The following PDZRN4 variants were observed in gnomAD, a reference collection of about 807,000 sequenced individuals.
PDZRN4 encodes the protein PDZ domain containing ring finger 4.
A neutral mutation model predicts 99.0 loss-of-function variants in PDZRN4; 70 were observed. The observed-to-expected ratio is 0.71, with a 90% CI of 0.58 to 0.86. PDZRN4 has a LOEUF of 0.86. Among genes scored for constraint, PDZRN4 ranks in the 40% least tolerant of loss-of-function variants. The pLI is 0.00. For missense variants in PDZRN4, 1,474 were observed against 1,331.2 expected, an observed-to-expected ratio of 1.11 and a Z score of -1.67; for synonymous variants, 551 against 501.6, an observed-to-expected ratio of 1.10 and a Z score of -1.32.
At chr12:41,548,374 A>G (rs983663992) in intron 5 of PDZRN4, among the ~76,000 whole-genome samples, 1 of 152,240 alleles carries the variant, frequency 6.6e-6, no homozygotes, top group Non-Finnish European at 1.5e-5. Context: ...ACAACAAAGC[A>G]TATTTCACTA....
chr12:41,200,163 A>G (rs1950804680), intron 3 of PDZRN4, among the ~76,000 whole-genome samples: 1 of 152,184 alleles, frequency 6.6e-6, no homozygotes, highest in African/African-American at 2.4e-5. Context: ...GGGTAACAGT[A>G]GAATCTGTGG....
chr12:41,530,652 TTATAA>T (rs1440381613), intron 5 of PDZRN4, among the ~76,000 whole-genome samples: 1 of 152,178 alleles, frequency 6.6e-6, no homozygotes, highest in African/African-American at 2.4e-5. Flanking sequence ...ATGCAGATCT[TTATAA>T]TATATTTACT....
intron 3 of PDZRN4, among the ~76,000 whole-genome samples, chr12:41,492,984 A>C (rs1430367854): frequency 6.6e-6 from 1 of 152,208 alleles, no homozygotes; most frequent in Non-Finnish European, 1.5e-5. Context: ...TTACCAGAGG[A>C]AAATAGTTTA....
intron 3 of PDZRN4, among the ~76,000 whole-genome samples, chr12:41,229,962 AG>A (rs1468879735): frequency 6.6e-6 from 1 of 152,062 alleles, no homozygotes; most frequent in Non-Finnish European, 1.5e-5. Flanking sequence ...AGTTTCCACA[AG>A]CGGCTTTTGT....
intron 3 of PDZRN4, among the ~76,000 whole-genome samples, chr12:41,362,631 A>G (rs567173847): frequency 2.6e-5 from 4 of 152,126 alleles, no homozygotes; most frequent in Admixed American, 2.0e-4. Context: ...TCTTTTCCAC[A>G]TGGTGGGCTT....
intron 3 of PDZRN4, among the ~76,000 whole-genome samples, chr12:41,352,185 A>G (rs1407438155): frequency 6.6e-6 from 1 of 152,028 alleles, no homozygotes; most frequent in Non-Finnish European, 1.5e-5. Flanking sequence ...TGAACTCAGT[A>G]TTAACAGATT....
chr12:41,435,048 A>G (rs17129351), intron 3 of PDZRN4, among the ~76,000 whole-genome samples: 9,632 of 152,204 alleles, frequency 0.063, 749 homozygotes, highest in East Asian at 0.18. Flanking sequence ...AGTCCATTAG[A>G]AGCAGAAGGT....
rs541471855 is a variant in PDZRN4, at chr12:41,315,121, A to G, written c.843+120933A>G. Among the ~76,000 whole-genome samples the G allele has an allele frequency of 1.8e-4, 27 of 152,240 alleles. 1 individual carries two copies. In the South Asian group the frequency reaches 5.6e-3, roughly 32 times the overall value. ...TTTCTGAATTCCACTCAGTTATATT[A>G]TCCATATTTTCAGTCTGAAAGCTTA... On this transcript the variant is annotated intron_variant, in intron 3 of 9. Coordinates refer to ENST00000402685, the MANE Select transcript of PDZRN4 (RefSeq NM_001164595.2).
chr12:41,514,409 A>G (rs996614312), intron 5 of PDZRN4, among the ~76,000 whole-genome samples: 6 of 152,116 alleles, frequency 3.9e-5, no homozygotes, highest in Non-Finnish European at 8.8e-5. Flanking sequence ...ATCATGAATC[A>G]GGGAAATTTT....
rs372551398 is a variant in PDZRN4 at position 41,509,872 on chromosome 12, T to G, written c.1162T>G (p.Leu388Val). 3 of 1,603,498 alleles carry G rather than the reference T, an allele frequency of 1.9e-6. No homozygotes were observed. Among genetic ancestry groups the G allele is most frequent in the Non-Finnish European group, 2.6e-6 (3 of 1,173,000 alleles). Residue 388 changes from leucine to valine, a missense_variant, in exon 5 of 10, where the codon TTG (leucine) becomes GTG (valine). By Grantham distance (32) the Leu-to-Val change is conservative (BLOSUM62 1). Transcript: ENST00000402685. ...FYEDNEYISSLPADADRTEDF... is the reference protein window; with the variant it reads ...FYEDNEYISSVPADADRTEDF... Reference sequence around the variant, plus strand: ...TGAGGACAATGAGTATATTTCCAGCTTGCCTGCTGATGCAGACAGAACAGA... The same window carrying G: ...TGAGGACAATGAGTATATTTCCAGCGTGCCTGCTGATGCAGACAGAACAGA...
At chr12:41,404,560 A>G (rs1006210861) in intron 3 of PDZRN4, among the ~76,000 whole-genome samples, 11 of 152,178 alleles carry the variant, frequency 7.2e-5, no homozygotes, top group Admixed American at 6.5e-4. Flanking sequence ...AGGAATCACT[A>G]TTATTAAAAT....
chr12:41,452,358 G>A (rs1952782105), intron 3 of PDZRN4, among the ~76,000 whole-genome samples: 1 of 151,426 alleles, frequency 6.6e-6, no homozygotes, highest in Non-Finnish European at 1.5e-5. Context: ...AGAATGGTGT[G>A]AACCTGGGAG....
chr12:41,349,983 A>T (rs564877518), intron 3 of PDZRN4, among the ~76,000 whole-genome samples: 59 of 151,870 alleles, frequency 3.9e-4, no homozygotes, highest in African/African-American at 1.3e-3. Context: ...CAACACAATT[A>T]AAAAAAATGA....
chr12:41,343,055 A>G (rs1296706864), intron 3 of PDZRN4, among the ~76,000 whole-genome samples: 1 of 151,980 alleles, frequency 6.6e-6, no homozygotes, highest in East Asian at 1.9e-4. Context: ...AAAAAGAATA[A>G]AATACTATCA....
At chr12:41,261,533 A>T (rs111710351) in intron 3 of PDZRN4, among the ~76,000 whole-genome samples, 3,084 of 152,292 alleles carry the variant, frequency 0.02, 78 homozygotes, top group African/African-American at 0.057. Flanking sequence ...TCTATCGCCC[A>T]GGCTGGAGTG....
chr12:41,536,267 G>A (rs879605645), intron 5 of PDZRN4, among the ~76,000 whole-genome samples: 13 of 152,250 alleles, frequency 8.5e-5, no homozygotes, highest in Admixed American at 2.6e-4. Flanking sequence ...AAAGAAATAA[G>A]CTGTCAAGCC....
At chr12:41,563,747 C>A in intron 8 of PDZRN4, 98 bp downstream of exon 8, 1 of 813,408 alleles carries the variant, frequency 1.2e-6, no homozygotes, top group Non-Finnish European at 2.0e-6. Flanking sequence ...ATCTGCTATT[C>A]TCTATCAAAT....
intron 3 of PDZRN4, among the ~76,000 whole-genome samples, chr12:41,413,469 T>G (rs1358045399): frequency 6.6e-6 from 1 of 152,126 alleles, no homozygotes; most frequent in African/African-American, 2.4e-5. Flanking sequence ...GTAAGATGAC[T>G]ATAGTTAATA....
At chr12:41,426,636 T>C (rs1435922366) in intron 3 of PDZRN4, among the ~76,000 whole-genome samples, 2 of 152,178 alleles carry the variant, frequency 1.3e-5, no homozygotes, top group African/African-American at 4.8e-5. Context: ...AAAATGCACA[T>C]CTTAATAGAA....
Sources: gnomAD v4.1 joint callset for allele counts (sites outside exome capture counted in the v4.1 genomes callset) on GRCh38, gnomAD v4.1.1 for gene constraint, MANE v1.5 for transcripts, NCBI Gene and HGNC (gene_info 2026-07-23, HGNC 2026-07-21) for gene names.